The following CROCC2 variants were observed in gnomAD, a reference collection of about 807,000 sequenced individuals.
CROCC2 encodes the protein ciliary rootlet coiled-coil, rootletin family member 2.
Under a neutral mutation model 177.6 loss-of-function variants are expected in CROCC2, and 163 were observed. The ratio of observed to expected loss-of-function variants is 0.92; its 90% CI spans 0.81 to 1.05. The LOEUF is 1.05. CROCC2 is among the 50% of genes least tolerant of loss of function. CROCC2 has a pLI of 0.00. For synonymous variants in CROCC2, 904 were observed against 787.3 expected (o/e 1.15, Z -2.48); for missense variants, 1,929 against 1,797.8 (o/e 1.07, Z -1.32).
In CROCC2 at chr2:240,955,895, AG is replaced by A. The variant is rs1455947613; in HGVS notation, c.2867del (p.Ser956MetfsTer11). 6.5e-7 allele frequency: 1 copy of A among 1,535,002 alleles called. No individual in the cohort carries two copies. Among genetic ancestry groups the A allele is most frequent in the Non-Finnish European group, 8.7e-7 (1 of 1,146,878 alleles). The stretch of plus-strand genomic sequence containing the variant: ...GAAAGAAACAGAGCGGAGCCTTCTG[AG>A]TGAGGAGCTCTCCAGGGCCAGGAGG... ...SLKETERSLL[S>X]EELSRARRTL... On this transcript the variant is annotated frameshift_variant, in exon 19 of 32. Transcript: ENST00000690015. LOFTEE classifies it high-confidence loss of function.
intron 27 of CROCC2, among the ~76,000 whole-genome samples, chr2:240,970,667 T>G (rs2059714176): frequency 6.6e-6 from 1 of 152,190 alleles, no homozygotes; most frequent in Non-Finnish European, 1.5e-5. Context: ...TAGAATTTCC[T>G]GCTCTGGACA....
At chr2:240,916,984 A>C (rs561117208) in intron 1 of CROCC2, among the ~76,000 whole-genome samples, 2 of 152,252 alleles carry the variant, frequency 1.3e-5, no homozygotes, top group Admixed American at 1.3e-4. Flanking sequence ...AGCTGGGCCC[A>C]GGAGGAGGAG....
Position 240,928,420 on chromosome 2 carries a change from TTGTGTG to T in CROCC2, c.646-1718_646-1713del, listed in dbSNP as rs58145871. On this transcript the variant is annotated intron_variant, in intron 5 of 31. Coordinates refer to ENST00000690015, the MANE Select transcript of CROCC2 (RefSeq NM_001351305.2). ...TCTTGCAGGGTCATGTGTGCCTGTT[TTGTGTG>T]TGTGTGTGTGTGTGTGTGTGTGTGT... is the stretch of plus-strand genomic sequence containing the variant. 3.4e-3 allele frequency among the ~76,000 whole-genome samples: 498 copies of T among 147,762 alleles called. 1 individual carries two copies. The highest frequency in any genetic ancestry group is 0.012 in the African/African-American group (464 of 39,738).
rs2059856803 is a variant in CROCC2 at position 240,988,729 on chromosome 2, A to T, written c.4552-10A>T. The T allele has an allele frequency of 7.3e-7, 1 of 1,368,736 alleles. No homozygotes were observed. The highest frequency in any genetic ancestry group is 3.0e-5 in the Admixed American group (1 of 33,824). The allele number at this position is 1,368,736 out of a possible 1,614,324, so 84.8% of individuals were successfully genotyped here. ...GAGGCCACAGGTTCTGCCTCCTGGG[A>T]TCTCTGCAGATGGAGCAAGAGACAC... is the stretch of plus-strand genomic sequence containing the variant. On this transcript the variant is annotated splice_polypyrimidine_tract_variant and intron_variant, in intron 28 of 31. Transcript: ENST00000690015.
intron 18 of CROCC2, chr2:240,950,978 T>A (rs1360431164): frequency 6.3e-6 from 1 of 157,602 alleles, no homozygotes; most frequent in African/African-American, 2.4e-5. Context: ...CATCCATCCA[T>A]CCACCCATCC....
chr2:240,937,714 C>T (rs1011289018), intron 14 of CROCC2, among the ~76,000 whole-genome samples: 1 of 152,176 alleles, frequency 6.6e-6, no homozygotes, highest in Non-Finnish European at 1.5e-5. Flanking sequence ...ACGTGTGCTT[C>T]CCAGACTAGC....
chr2:240,956,342 G>A (rs1183369175), intron 19 of CROCC2: 2 of 246,848 alleles, frequency 8.1e-6, no homozygotes, highest in East Asian at 1.7e-4. Flanking sequence ...CTGGGGACAT[G>A]AGCACCAGCC....
In CROCC2 at chr2:240,957,222, A is replaced by G. The variant is rs561210228; in HGVS notation, c.2943+1250A>G. 13 of 152,540 alleles carry G rather than the reference A, an allele frequency of 8.5e-5. No individual in the cohort carries two copies. In the East Asian group the frequency reaches 2.5e-3, roughly 30 times the overall value. The allele number at this position is 152,540 out of a possible 1,614,324, so 9.4% of individuals were successfully genotyped here. On this transcript the variant is annotated intron_variant, in intron 19 of 31. Transcript: ENST00000690015. ...CACACACCCCATTAGCTGGGCCCACACCTGCCTCCTGCCTCTGTCCTTCCA... is the reference window on the plus strand; with the variant it reads ...CACACACCCCATTAGCTGGGCCCACGCCTGCCTCCTGCCTCTGTCCTTCCA...
chr2:240,922,881 G>A (rs1452578780), intron 4 of CROCC2, among the ~76,000 whole-genome samples: 3 of 152,124 alleles, frequency 2.0e-5, no homozygotes, highest in Non-Finnish European at 4.4e-5. Context: ...GTGGGGGCCT[G>A]CAGCGCGCTC....
chr2:240,961,902 G>T (rs748553412), intron 20 of CROCC2, among the ~76,000 whole-genome samples: 1 of 133,194 alleles, frequency 7.5e-6, no homozygotes, highest in Non-Finnish European at 1.5e-5. Context: ...ACACACACAC[G>T]TAGTGCATGC....
intron 18 of CROCC2, chr2:240,950,801 G>T: frequency 7.8e-6 from 3 of 384,710 alleles, no homozygotes; most frequent in Non-Finnish European, 1.4e-5. Flanking sequence ...CCCTCCATCT[G>T]TCCATTCATA....
chr2:240,920,834 C>G (rs1301923459), intron 3 of CROCC2, among the ~76,000 whole-genome samples: 1 of 152,216 alleles, frequency 6.6e-6, no homozygotes, highest in Admixed American at 6.5e-5. Flanking sequence ...AGGCCAGAGC[C>G]TCTCTCCTAT....
intron 28 of CROCC2, chr2:240,983,652 AG>A (rs778038339): frequency 7.9e-7 from 1 of 1,272,512 alleles, no homozygotes; most frequent in South Asian, 1.2e-5. Flanking sequence ...CGGCTGGGAG[AG>A]GCGCTGGCCC....
chr2:240,958,789 C>T lies in CROCC2; in HGVS notation c.2944-512C>T, dbSNP rs1232596448. On this transcript the variant is annotated intron_variant, in intron 19 of 31. Transcript: ENST00000690015. The surrounding 1 kb of genome is among the most constrained non-coding windows in gnomAD (Gnocchi z 6.7). ...CTTGAGAGGAAGCGGGGTGGTGTCC[C>T]GAGGGGCCTGGGGCTTGGGGTGAAG... Among the ~76,000 whole-genome samples the T allele has an allele frequency of 1.3e-5, 2 of 152,238 alleles. No homozygotes were observed. The highest frequency in any genetic ancestry group is 2.1e-4 in the South Asian group (1 of 4,832).
intron 15 of CROCC2, among the ~76,000 whole-genome samples, chr2:240,946,925 G>A (rs2059527827): frequency 6.6e-6 from 1 of 152,250 alleles, no homozygotes. Context: ...GTGGGCGGGT[G>A]AGCCCAAAGG....
In CROCC2 at chr2:240,982,685, C is replaced by T; in HGVS notation, c.4402-195C>T. The T allele has an allele frequency of 5.5e-6, 3 of 548,780 alleles. No individual in the cohort carries two copies. Among genetic ancestry groups the T allele is most frequent in the Non-Finnish European group, 9.6e-6 (3 of 312,722 alleles). 34.0% of individuals were successfully genotyped at this position (548,780 alleles called of 1,614,324 possible). On this transcript the variant is annotated intron_variant, in intron 27 of 31. Coordinates refer to ENST00000690015, the MANE Select transcript of CROCC2 (RefSeq NM_001351305.2). The surrounding 1 kb of genome is among the most constrained non-coding windows in gnomAD (Gnocchi z 4.7). ...GTCTCAGGCTTCCTGGGGGTCCACA[C>T]CTTTGAGGTTACATTGCAAACACAA...
At chr2:240,985,998 C>G (rs980849758) in intron 28 of CROCC2, 5 of 455,854 alleles carry the variant, frequency 1.1e-5, no homozygotes, top group African/African-American at 1.0e-4. Context: ...ATGCCGGCCT[C>G]TCAAGCTGTC....
intron 1 of CROCC2, among the ~76,000 whole-genome samples, chr2:240,909,347 T>G: frequency 6.6e-6 from 1 of 151,526 alleles, no homozygotes; most frequent in African/African-American, 2.4e-5. Flanking sequence ...CCACCTGGGG[T>G]GAGCTCTACC....
At chr2:240,981,564 G>A (rs1416626156) in intron 27 of CROCC2, 1 of 152,152 alleles carries the variant, frequency 6.6e-6, no homozygotes, top group Non-Finnish European at 1.5e-5. Context: ...CATTACAAGA[G>A]GTTTGGGACC....
Sources: allele counts gnomAD v4.1 joint callset (sites outside exome capture counted in the v4.1 genomes callset), GRCh38; gene constraint gnomAD v4.1.1; non-coding constraint Gnocchi (gnomAD v3.1); transcripts MANE v1.5; gene names NCBI Gene and HGNC (gene_info 2026-07-23, HGNC 2026-07-21).